Variants in PRPF8 observed in about 807,000 individuals in gnomAD.
PRPF8 encodes pre-mRNA-processing-splicing factor 8.
Under a neutral mutation model 285.9 loss-of-function variants are expected in PRPF8, and 64 were observed. The observed-to-expected ratio is 0.22, with a 90% CI of 0.18 to 0.28. The LOEUF is 0.28. PRPF8 is among the 10% of genes least tolerant of loss of function. PRPF8 has a pLI of 1.00. For missense variants in PRPF8, 1,426 were observed against 3,026.7 expected (o/e 0.47, Z 12.41); for synonymous variants, 1,325 against 1,118.2 (o/e 1.18, Z -3.69).
Position 1,653,993 on chromosome 17 carries a change from T to A in PRPF8, c.6011A>T (p.Gln2004Leu). Residue 2004 changes from glutamine to leucine, a missense_variant, in exon 38 of 43, where the codon CAA (glutamine) becomes CTA (leucine). By Grantham distance (113) the Gln-to-Leu change is moderately radical. Transcript: ENST00000304992. This position sits in a 1 kb window ranked among gnomAD's most constrained non-coding sequence, Gnocchi z 4.9. ...CAGGATGATGTCTCGAATTTCTGAT[T>A]GTGTCAGTGATGCCACGTTCACACT... The part of the protein sequence containing the change: ...KNNVNVASLT[Q>L]SEIRDIILGM... 6.2e-7 allele frequency: 1 copy of A among 1,614,234 alleles called. No individual in the cohort carries two copies. The highest frequency in any genetic ancestry group is 8.5e-7 in the Non-Finnish European group (1 of 1,180,032).
chr17:1,662,881 G>A (rs1911749576), intron 24 of PRPF8, among the ~76,000 whole-genome samples: 1 of 150,792 alleles, frequency 6.6e-6, no homozygotes. Context: ...ACCAGATGGA[G>A]CTATACAAAC....
In PRPF8 at chr17:1,681,660, C is replaced by A; in HGVS notation, c.684G>T (p.Trp228Cys). The A allele has an allele frequency of 6.2e-7, 1 of 1,614,086 alleles. No individual in the cohort carries two copies. Among genetic ancestry groups the A allele is most frequent in the Non-Finnish European group, 8.5e-7 (1 of 1,180,034 alleles). ...KYVNGSTYQR[W>C]QFTLPMMSTL... The stretch of plus-strand genomic sequence containing the variant: ...TCGACATCATAGGTAGTGTGAACTG[C>A]CAGCGCTGGTAAGTGGAGCCATTTA... Residue 228 changes from tryptophan (W) to cysteine (C), a missense_variant, in exon 6 of 43, where the codon TGG becomes TGT. Physicochemically the swap from Trp to Cys is radical, Grantham distance 215 (BLOSUM62 -2). Around this residue, in one of 34 missense-constraint regions of PRPF8, gnomAD observed 157 missense variants for 159.6 expected, o/e 0.98. Transcript: ENST00000304992.
chr17:1,659,780 C>T lies in PRPF8; in HGVS notation c.4946+61G>A. 1 of 1,584,254 alleles carries T rather than the reference C, an allele frequency of 6.3e-7. No individual in the cohort carries two copies. The highest frequency in any genetic ancestry group is 8.7e-7 in the Non-Finnish European group (1 of 1,155,906). Reference sequence around the variant, plus strand: ...CAGGACAATTCCTAAAGTTGCAGGGCTAGAAGAACAGGAAAACGAAAGTGT... The same window carrying T: ...CAGGACAATTCCTAAAGTTGCAGGGTTAGAAGAACAGGAAAACGAAAGTGT... On this transcript the variant is annotated intron_variant, in intron 31 of 42. Transcript: ENST00000304992. The surrounding 1 kb of genome is among the most constrained non-coding windows in gnomAD (Gnocchi z 5.1).
intron 21 of PRPF8, 42 bp downstream of exon 21, chr17:1,674,400 C>A (rs2151126721): frequency 6.3e-7 from 1 of 1,588,372 alleles, no homozygotes; most frequent in Non-Finnish European, 8.6e-7. Context: ...AAAGCACATG[C>A]CTCAGTACCC....
In PRPF8 at chr17:1,661,645, C is replaced by T. The variant is rs1043401; in HGVS notation, c.4168G>A (p.Ala1390Thr). 8.1e-6 allele frequency: 13 copies of T among 1,613,612 alleles called. No homozygotes were observed. Among genetic ancestry groups the T allele is most frequent in the Admixed American group, 3.3e-5 (2 of 59,994 alleles). ...IDSQRVWAEY[A>T]LKRQEAIAQN... Reference sequence around the variant, plus strand: ...GCAATGGCCTCTTGCCTCTTGAGTGCGTACTCAGCCCAGACCCGCTGAGAA... The same window carrying T: ...GCAATGGCCTCTTGCCTCTTGAGTGTGTACTCAGCCCAGACCCGCTGAGAA... Residue 1390 changes from alanine to threonine, a missense_variant, in exon 26 of 43, where the codon GCA (alanine) becomes ACA (threonine). Physicochemically the swap from Ala to Thr is moderately conservative, Grantham distance 58. Transcript: ENST00000304992. This position sits in a 1 kb window ranked among gnomAD's most constrained non-coding sequence, Gnocchi z 7.3.
intron 37 of PRPF8, 168 bp from the exon 38 acceptor site, chr17:1,654,184 C>T: frequency 2.0e-6 from 2 of 980,572 alleles, no homozygotes; most frequent in Non-Finnish European, 3.2e-6. Flanking sequence ...ACTAACACTT[C>T]CAAGATTCGT....
chr17:1,665,087 T>C (rs112604954), intron 24 of PRPF8, among the ~76,000 whole-genome samples: 6 of 129,070 alleles, frequency 4.6e-5, no homozygotes, highest in African/African-American at 1.9e-4. Context: ...TTGAACAGGG[T>C]AGGCGGAGGT....
chr17:1,662,345 T>C (rs1253759017), intron 24 of PRPF8, among the ~76,000 whole-genome samples, 192 bp from the exon 25 acceptor site: 1 of 152,108 alleles, frequency 6.6e-6, no homozygotes, highest in Non-Finnish European at 1.5e-5. Flanking sequence ...TCCCAGCACT[T>C]TGGGAGGCCA....
chr17:1,654,725 G>C (rs890609887), intron 37 of PRPF8: 1 of 163,856 alleles, frequency 6.1e-6, no homozygotes, highest in Non-Finnish European at 1.3e-5. Flanking sequence ...TCAAACCCCC[G>C]GGCTCAAGCA....
In PRPF8 at chr17:1,676,567, G is replaced by A. The variant is rs772439950; in HGVS notation, c.2326C>T (p.Leu776=). Residue 776 remains leucine (L), a synonymous_variant, in exon 16 of 43, where the codon CTG becomes TTG. Transcript: ENST00000304992. The surrounding 1 kb of genome is among the most constrained non-coding windows in gnomAD (Gnocchi z 6.3). ...TVDKTVCKKN[L]GRLTRLYLKA... is the part of the protein sequence containing the mutation. The stretch of plus-strand genomic sequence containing the variant: ...AGATAGAGCCGGGTGAGGCGGCCCA[G>A]ATTCTTTTTACAAACAGTCTTGTCC... The A allele has an allele frequency of 2.5e-6, 4 of 1,614,172 alleles. No homozygotes were observed. Among genetic ancestry groups the A allele is most frequent in the Admixed American group, 1.7e-5 (1 of 60,022 alleles).
At chr17:1,681,401 T>C (rs914312995) in intron 6 of PRPF8, 77 bp downstream of exon 6, 15 of 1,448,694 alleles carry the variant, frequency 1.0e-5, no homozygotes, top group African/African-American at 5.6e-5. Context: ...ATTTGGAAGT[T>C]ATATCAGGAC....
intron 3 of PRPF8, 144 bp downstream of exon 3, chr17:1,683,389 G>C: frequency 1.1e-6 from 1 of 898,746 alleles, no homozygotes; most frequent in Non-Finnish European, 1.8e-6. Context: ...GGAAGATGTA[G>C]AAATTATCAG....
intron 24 of PRPF8, among the ~76,000 whole-genome samples, chr17:1,662,914 T>C (rs751047897): frequency 3.3e-5 from 5 of 150,720 alleles, no homozygotes; most frequent in Non-Finnish European, 7.4e-5. Context: ...CCAGAAATGG[T>C]AAGTATGTGG....
At position 1,681,667 on chromosome 17, in the gene PRPF8, T is replaced by C; in HGVS notation, c.677A>G (p.Gln226Arg). 6.2e-7 allele frequency: 1 copy of C among 1,614,108 alleles called. No homozygotes were observed. Among genetic ancestry groups the C allele is most frequent in the Non-Finnish European group, 8.5e-7 (1 of 1,180,006 alleles). ...CATAGGTAGTGTGAACTGCCAGCGC[T>C]GGTAAGTGGAGCCATTTACATACCT... ...SRKYVNGSTY[Q>R]RWQFTLPMMS... The change falls in exon 6 of 43, where the codon CAG (glutamine) becomes CGG (arginine). Residue 226 changes from glutamine (Q) to arginine (R), a missense_variant. Physicochemically the swap from Gln to Arg is conservative, Grantham distance 43. Coordinates refer to ENST00000304992, the MANE Select transcript of PRPF8 (RefSeq NM_006445.4).
chr17:1,670,779 G>A (rs185050782), intron 24 of PRPF8, among the ~76,000 whole-genome samples: 47 of 152,170 alleles, frequency 3.1e-4, no homozygotes, highest in East Asian at 1.5e-3. Flanking sequence ...GAGCCCCCGC[G>A]CCTGGCCTGC....
intron 34 of PRPF8, among the ~76,000 whole-genome samples, chr17:1,656,975 C>T (rs371120621): frequency 2.6e-5 from 4 of 152,278 alleles, no homozygotes; most frequent in African/African-American, 9.6e-5. Context: ...CAAGCTGACA[C>T]ATGAGTATGT....
At chr17:1,668,020 C>A (rs1304650887) in intron 24 of PRPF8, among the ~76,000 whole-genome samples, 1 of 152,306 alleles carries the variant, frequency 6.6e-6, no homozygotes, top group East Asian at 1.9e-4. Flanking sequence ...CTAAATACCC[C>A]GTTTCATTTA....
At chr17:1,683,422 T>C in intron 3 of PRPF8, 111 bp downstream of exon 3, 1 of 1,255,496 alleles carries the variant, frequency 8.0e-7, no homozygotes, top group South Asian at 1.2e-5. Flanking sequence ...GTTTTCTCCT[T>C]TCTCTTATAT....
In PRPF8 at chr17:1,659,963, T is replaced by C. The variant is rs1420025563; in HGVS notation, c.4824A>G (p.Thr1608=). The C allele has an allele frequency of 1.9e-6, 3 of 1,614,050 alleles. No individual in the cohort carries two copies. In the African/African-American group the frequency reaches 4.0e-5, roughly 22 times the overall value. ...DQELDALEIE[T]VQKETIHPRK... ...GGGGATGGATTGTCTCCTTTTGTAC[T>C]GTCTCAATTTCCAGTGCATCAAGTT... The change falls in exon 31 of 43, where the codon ACA becomes ACG. Residue 1608 remains threonine, a synonymous_variant. Transcript: ENST00000304992. The surrounding 1 kb of genome is among the most constrained non-coding windows in gnomAD (Gnocchi z 5.1).
Sources: allele counts gnomAD v4.1 joint callset (sites outside exome capture counted in the v4.1 genomes callset), GRCh38; gene constraint gnomAD v4.1.1; regional missense constraint gnomAD v4.1.1; non-coding constraint Gnocchi (gnomAD v3.1); transcripts MANE v1.5; gene names NCBI Gene and HGNC (gene_info 2026-07-23, HGNC 2026-07-21).